DFFB: variants seen among roughly 807,000 people sequenced by gnomAD.
The protein encoded by DFFB is DNA fragmentation factor 40 kDa subunit.
In DFFB, 29 loss-of-function variants were observed where a neutral mutation model predicts 32.7. The ratio of observed to expected loss-of-function variants is 0.89; its 90% CI spans 0.66 to 1.21. The LOEUF is 1.21. DFFB is among the 50% of genes most tolerant of loss of function. DFFB has a pLI of 0.00. For missense variants in DFFB, 398 were observed against 440.6 expected (o/e 0.90, Z 0.87); for synonymous variants, 170 against 177.1 (o/e 0.96, Z 0.32).
rs1644853814 is a variant in DFFB, at chr1:3,860,214, CA to C, written c.241+1371del. On this transcript the variant is annotated intron_variant, in intron 2 of 6. Coordinates refer to ENST00000378209, the MANE Select transcript of DFFB (RefSeq NM_004402.4). ...AAGTGCTGGGATTACAGGCATGAGC[CA>C]CTGTGCCTGGCCAAAATATTTTTGT... 8.5e-5 allele frequency among the ~76,000 whole-genome samples: 13 copies of C among 152,224 alleles called. 1 individual carries two copies. The South Asian group carries it at 2.7e-3, about 32-fold the overall frequency.
rs866571912 is a variant in DFFB at position 3,883,629 on chromosome 1, T to C, written c.905T>C (p.Val302Ala). 6.2e-7 allele frequency: 1 copy of C among 1,614,110 alleles called. No individual in the cohort carries two copies. The highest frequency in any genetic ancestry group is 8.5e-7 in the Non-Finnish European group (1 of 1,180,020). The change falls in exon 7 of 7, where the codon GTG (valine) becomes GCG (alanine). Residue 302 changes from valine (V) to alanine (A), a missense_variant. By Grantham distance (64) the Val-to-Ala change is moderately conservative. Transcript: ENST00000378209. ...TTTACCTCAGAGAACCTAAAACTAGTGCACATTGTCTGCCATAAGAAAACC... is the reference window on the plus strand; with the variant it reads ...TTTACCTCAGAGAACCTAAAACTAGCGCACATTGTCTGCCATAAGAAAACC... Reference protein sequence around the residue: ...LLFTSENLKLVHIVCHKKTTH... With the variant: ...LLFTSENLKLAHIVCHKKTTH...
chr1:3,858,726 G>T lies in DFFB; in HGVS notation c.123G>T (p.Glu41Asp). The T allele has an allele frequency of 6.2e-7, 1 of 1,614,004 alleles. No individual in the cohort carries two copies. Among genetic ancestry groups the T allele is most frequent in the African/African-American group, 1.3e-5 (1 of 75,062 alleles). Reference protein sequence around the residue: ...RKGCLRFQLPERGSRLCLYED... With the variant: ...RKGCLRFQLPDRGSRLCLYED... ...TTCTCCCGTCCCTGCAGCTCCCTGA[G>T]CGCGGTTCCCGGCTGTGCCTGTACG... The change falls in exon 2 of 7, where the codon GAG becomes GAT. Residue 41 changes from glutamate (E) to aspartate (D), a missense_variant. Coordinates refer to ENST00000378209, the MANE Select transcript of DFFB (RefSeq NM_004402.4).
chr1:3,883,547 G>A lies in DFFB; in HGVS notation c.823G>A (p.Ala275Thr), dbSNP rs1277161964. 2 of 1,614,088 alleles carry A rather than the reference G, an allele frequency of 1.2e-6. No homozygotes were observed. Among genetic ancestry groups the A allele is most frequent in the African/African-American group, 1.3e-5 (1 of 74,936 alleles). Residue 275 changes from alanine to threonine, a missense_variant, in exon 7 of 7, where the codon GCA becomes ACA. Ala to Thr is a moderately conservative substitution (Grantham distance 58). Coordinates refer to ENST00000378209, the MANE Select transcript of DFFB (RefSeq NM_004402.4). ...KRTIIPTLVE[A>T]IKEQDGREVD... ...CACCATCATTCCTACACTGGTGGAA[G>A]CAATTAAGGAACAAGATGGAAGAGA...
chr1:3,872,541 A>T lies in DFFB; in HGVS notation c.751A>T (p.Ile251Phe). 1 of 1,614,086 alleles carries T rather than the reference A, an allele frequency of 6.2e-7. No individual in the cohort carries two copies. The highest frequency in any genetic ancestry group is 2.2e-5 in the East Asian group (1 of 44,872). The change falls in exon 6 of 7, where the codon ATC (isoleucine) becomes TTC (phenylalanine). Residue 251 changes from isoleucine to phenylalanine, a missense_variant. Physicochemically the swap from Ile to Phe is conservative, Grantham distance 21. Transcript: ENST00000378209. ...INPYSNRESRILFSTWNLDHI... is the reference protein window; with the variant it reads ...INPYSNRESRFLFSTWNLDHI... ...CCCCTACAGTAACAGGGAGAGCAGGATCCTCTTCAGCACCTGGAACCTGGA... is the reference window on the plus strand; with the variant it reads ...CCCCTACAGTAACAGGGAGAGCAGGTTCCTCTTCAGCACCTGGAACCTGGA...
Position 3,867,128 on chromosome 1 carries a change from C to T in DFFB, c.431-846C>T, listed in dbSNP as rs190715098. Reference sequence around the variant, plus strand: ...AGCCAGGACGGTCTCAATCTCCTGACCTCGTGATCCGCCCGCCTCGGCCTC... The same window carrying T: ...AGCCAGGACGGTCTCAATCTCCTGATCTCGTGATCCGCCCGCCTCGGCCTC... On this transcript the variant is annotated intron_variant, in intron 3 of 6. Transcript: ENST00000378209. Among the ~76,000 whole-genome samples, 1,472 of 152,280 alleles carry T rather than the reference C, an allele frequency of 9.7e-3. 18 individuals carry two copies. Among genetic ancestry groups the T allele is most frequent in the Non-Finnish European group, 0.014 (941 of 68,026 alleles).
At chr1:3,860,593 T>A in intron 2 of DFFB, 1 of 282,372 alleles carries the variant, frequency 3.5e-6, no homozygotes. Flanking sequence ...AGGTCCAATG[T>A]ACCTCTACCC....
chr1:3,865,863 G>A lies in DFFB; in HGVS notation c.293G>A (p.Gly98Glu), dbSNP rs1644968441. The change falls in exon 3 of 7, where the codon GGG becomes GAG. Residue 98 changes from glycine (G) to glutamate (E), a missense_variant. Transcript: ENST00000378209. This position sits in a 1 kb window ranked among gnomAD's most constrained non-coding sequence, Gnocchi z 4.7. ...FLSAFHEPQVGLIQAAQQLLC... is the reference protein window; with the variant it reads ...FLSAFHEPQVELIQAAQQLLC... ...AGTGCATTTCACGAGCCACAGGTGG[G>A]GCTCATCCAGGCCGCCCAGCAGCTG... The A allele has an allele frequency of 6.2e-7, 1 of 1,614,008 alleles. No homozygotes were observed. Among genetic ancestry groups the A allele is most frequent in the African/African-American group, 1.3e-5 (1 of 74,910 alleles).
chr1:3,859,136 G>C (rs1316439282), intron 2 of DFFB, among the ~76,000 whole-genome samples: 1 of 152,192 alleles, frequency 6.6e-6, no homozygotes, highest in African/African-American at 2.4e-5. Flanking sequence ...AGAGCAGAGG[G>C]AGGGCTTTGG....
chr1:3,868,614 A>ACCACACCACACCAAG (rs1645034126), intron 4 of DFFB, among the ~76,000 whole-genome samples: 2 of 2,994 alleles, frequency 6.7e-4, no homozygotes, highest in Non-Finnish European at 2.3e-3. Flanking sequence ...ACCATACCAG[A>ACCACACCACACCAAG]CCACACCACA....
chr1:3,876,151 A>G (rs12754083), intron 6 of DFFB, among the ~76,000 whole-genome samples: 21,593 of 152,148 alleles, frequency 0.14, 1,549 homozygotes, highest in South Asian at 0.17. Context: ...TACCCTGTCT[A>G]TCCGAAAGAG....
chr1:3,879,173 T>G lies in DFFB; in HGVS notation c.783-4334T>G, dbSNP rs76923925. ...CTAGGTAGAGCTCTTTCTTTTGGAT[T>G]CTGCCTGGGACTTGTATTCCTTGTG... On this transcript the variant is annotated intron_variant, in intron 6 of 6. Coordinates refer to ENST00000378209, the MANE Select transcript of DFFB (RefSeq NM_004402.4). Among the ~76,000 whole-genome samples, 1,132 of 152,334 alleles carry G rather than the reference T, an allele frequency of 7.4e-3. 9 individuals are homozygous for G. Among genetic ancestry groups the G allele is most frequent in the African/African-American group, 0.026 (1,085 of 41,568 alleles).
rs1644962078 is a variant in DFFB, at chr1:3,865,619, G to A, written c.242-193G>A. The A allele has an allele frequency of 2.5e-6, 2 of 797,548 alleles. No individual in the cohort carries two copies. The highest frequency in any genetic ancestry group is 4.4e-6 in the Non-Finnish European group (2 of 457,518). The allele number at this position is 797,548 out of a possible 1,614,324, so 49.4% of individuals were successfully genotyped here. The stretch of plus-strand genomic sequence containing the variant: ...CTGCCCCTCCCTCCTCTGTCCTCAT[G>A]CCGCCCTTGTGCGTGGTCCCCAGCT... On this transcript the variant is annotated intron_variant, in intron 2 of 6. Coordinates refer to ENST00000378209, the MANE Select transcript of DFFB (RefSeq NM_004402.4). This position sits in a 1 kb window ranked among gnomAD's most constrained non-coding sequence, Gnocchi z 4.7.
At chr1:3,879,673 A>G (rs189257248) in intron 6 of DFFB, among the ~76,000 whole-genome samples, 6,303 of 149,098 alleles carry the variant, frequency 0.042, 170 homozygotes, top group Non-Finnish European at 0.064. Flanking sequence ...GTAAATACTC[A>G]GTCTGTGGTA....
chr1:3,868,018 A>C lies in DFFB; in HGVS notation c.475A>C (p.Ser159Arg). The C allele has an allele frequency of 6.2e-7, 1 of 1,614,116 alleles. No homozygotes were observed. The highest frequency in any genetic ancestry group is 8.5e-7 in the Non-Finnish European group (1 of 1,179,988). Residue 159 changes from serine (S) to arginine (R), a missense_variant, in exon 4 of 7, where the codon AGC (serine) becomes CGC (arginine). Coordinates refer to ENST00000378209, the MANE Select transcript of DFFB (RefSeq NM_004402.4). Reference sequence around the variant, plus strand: ...GAGCAAGTCTGGCTATCTGAGATACAGCTGTGAGAGCCGGATCCGGAGTTA... The same window carrying C: ...GAGCAAGTCTGGCTATCTGAGATACCGCTGTGAGAGCCGGATCCGGAGTTA... ...FQSKSGYLRY[S>R]CESRIRSYLR...
rs557032189 is a variant in DFFB, at chr1:3,872,717, G to A, written c.782+145G>A. The A allele has an allele frequency of 7.9e-5, 61 of 776,852 alleles. No homozygotes were observed. In the East Asian group the frequency reaches 1.4e-3, roughly 17 times the overall value. The allele number at this position is 776,852 out of a possible 1,614,324, so 48.1% of individuals were successfully genotyped here. ...TCCTTGGGTTTCAAGGGCTGCACCC[G>A]TGTTACAGCCCAGGGAAGGGGTACC... is the stretch of plus-strand genomic sequence containing the variant. On this transcript the variant is annotated intron_variant, in intron 6 of 6. Coordinates refer to ENST00000378209, the MANE Select transcript of DFFB (RefSeq NM_004402.4).
In DFFB at chr1:3,865,769, C is replaced by A; in HGVS notation, c.242-43C>A. On this transcript the variant is annotated intron_variant, in intron 2 of 6. Coordinates refer to ENST00000378209, the MANE Select transcript of DFFB (RefSeq NM_004402.4). This position sits in a 1 kb window ranked among gnomAD's most constrained non-coding sequence, Gnocchi z 4.7. Reference sequence around the variant, plus strand: ...TTCTTGTGACCGGGGCAGGATGTGTCTTCTGCTGGACCGGCACCTTTTGTT... The same window carrying A: ...TTCTTGTGACCGGGGCAGGATGTGTATTCTGCTGGACCGGCACCTTTTGTT... 1.2e-6 allele frequency: 2 copies of A among 1,614,064 alleles called. No individual in the cohort carries two copies. The highest frequency in any genetic ancestry group is 2.2e-5 in the South Asian group (2 of 91,060).
At chr1:3,872,702 T>G in intron 6 of DFFB, 130 bp downstream of exon 6, 1 of 831,070 alleles carries the variant, frequency 1.2e-6, no homozygotes, top group Non-Finnish European at 1.9e-6. Flanking sequence ...TCCTTGGGTT[T>G]CAAGGGCTGC....
At chr1:3,874,328 T>A in intron 6 of DFFB, among the ~76,000 whole-genome samples, 1 of 86,414 alleles carries the variant, frequency 1.2e-5, no homozygotes, top group Non-Finnish European at 2.3e-5. Context: ...TGCACATACG[T>A]GGTGGCCCAC....
chr1:3,862,315 T>A (rs1644893057), intron 2 of DFFB, among the ~76,000 whole-genome samples: 1 of 152,194 alleles, frequency 6.6e-6, no homozygotes, highest in South Asian at 2.1e-4. Context: ...TTCAACACAA[T>A]CCCTATGAAA....
Sources: gnomAD v4.1 joint callset for allele counts (sites outside exome capture counted in the v4.1 genomes callset) on GRCh38, gnomAD v4.1.1 for gene constraint, Gnocchi (gnomAD v3.1) non-coding constraint, MANE v1.5 for transcripts, NCBI Gene and HGNC (gene_info 2026-07-23, HGNC 2026-07-21) for gene names.